Variants in SMAD5 observed in about 807,000 individuals in gnomAD.
SMAD5 encodes SMAD family member 5, also known as MAD, mothers against decapentaplegic homolog 5.
A neutral mutation model predicts 43.1 loss-of-function variants in SMAD5; 9 were observed. That is an observed-to-expected ratio of 0.21 (90% CI 0.13 to 0.36). The LOEUF (loss-of-function observed/expected upper bound fraction) is 0.36, where lower values mean the gene tolerates loss of function less well. Among genes scored for constraint, SMAD5 ranks in the 10% least tolerant of loss-of-function variants. The pLI is 1.00. For missense variants in SMAD5, 348 were observed against 574.0 expected (o/e 0.61, Z 4.02); for synonymous variants, 190 against 192.4 (o/e 0.99, Z 0.10).
At chr5:136,135,331 G>A (rs1215396537) in intron 1 of SMAD5, among the ~76,000 whole-genome samples, 2 of 152,230 alleles carry the variant, frequency 1.3e-5, no homozygotes, top group African/African-American at 4.8e-5. Context: ...GGCTGAACCT[G>A]AAGGCACATT....
At chr5:136,158,101 A>C (rs753759004) in intron 3 of SMAD5, among the ~76,000 whole-genome samples, 4 of 152,222 alleles carry the variant, frequency 2.6e-5, no homozygotes, top group Non-Finnish European at 5.9e-5. Context: ...CTAATAGAAT[A>C]ATATATTCTG....
rs1753131772 is a variant in SMAD5 at position 136,142,903 on chromosome 5, A to G, written c.-244-4929A>G. On this transcript the variant is annotated intron_variant, in intron 1 of 7. Transcript: ENST00000545279. ...CATTACTCTCTAAGATCTTACAGAG[A>G]TTATGGTTAGTGTCTTTTAAGCCTG... Among the ~76,000 whole-genome samples the G allele has an allele frequency of 2.0e-5, 3 of 152,182 alleles. No homozygotes were observed. The South Asian group carries it at 6.2e-4, about 32-fold the overall frequency.
chr5:136,153,190 TC>T (rs1197036156), intron 2 of SMAD5, among the ~76,000 whole-genome samples: 1 of 152,294 alleles, frequency 6.6e-6, no homozygotes, highest in Middle Eastern at 3.4e-3. Flanking sequence ...TTTTAAGACT[TC>T]TATTCAGATC....
At chr5:136,170,810 GTATT>G (rs1754193087) in intron 5 of SMAD5, among the ~76,000 whole-genome samples, 2 of 152,074 alleles carry the variant, frequency 1.3e-5, no homozygotes, top group South Asian at 2.1e-4. Flanking sequence ...TTGTGCCTAA[GTATT>G]TAATTTTGGG....
At chr5:136,168,008 T>C (rs1754079840) in intron 5 of SMAD5, among the ~76,000 whole-genome samples, 1 of 152,018 alleles carries the variant, frequency 6.6e-6, no homozygotes. Flanking sequence ...ACCCGGCTAA[T>C]TTTTGTATTT....
At chr5:136,162,675 A>G (rs560667889) in intron 4 of SMAD5, among the ~76,000 whole-genome samples, 31 of 152,354 alleles carry the variant, frequency 2.0e-4, no homozygotes, top group Admixed American at 1.5e-3. Flanking sequence ...ATTTTCAACT[A>G]TGAGTGTTGA....
At chr5:136,138,734 T>A (rs887593668) in intron 1 of SMAD5, among the ~76,000 whole-genome samples, 3 of 152,174 alleles carry the variant, frequency 2.0e-5, no homozygotes. Flanking sequence ...AGTGTCTTTC[T>A]TCCATTGCAG....
intron 2 of SMAD5, among the ~76,000 whole-genome samples, chr5:136,151,200 C>G (rs956963386): frequency 6.6e-6 from 1 of 151,952 alleles, no homozygotes; most frequent in African/African-American, 2.4e-5. Context: ...ACGAGACTAC[C>G]TGCATACTAA....
At chr5:136,157,848 A>G (rs975469629) in intron 3 of SMAD5, among the ~76,000 whole-genome samples, 2 of 152,148 alleles carry the variant, frequency 1.3e-5, no homozygotes, top group Admixed American at 6.6e-5. Flanking sequence ...CTGATCTAAT[A>G]GACAGTATTG....
intron 2 of SMAD5, among the ~76,000 whole-genome samples, chr5:136,150,281 C>A (rs963677267): frequency 6.6e-6 from 1 of 151,780 alleles, no homozygotes; most frequent in African/African-American, 2.4e-5. Context: ...GACAAAGCTG[C>A]CTTCTGAATG....
In SMAD5 at chr5:136,160,920, G is replaced by A. The variant is rs1266985914; in HGVS notation, c.468G>A (p.Gln156=). ...EFNPQHSLLV[Q]FRNLSHNEPH... ...ATCCACAACACAGCCTTCTGGTTCA[G>A]TTTAGGAACCTGAGCCACAATGAAC... Residue 156 remains glutamine, a synonymous_variant, in exon 4 of 8, where the codon CAG becomes CAA. Transcript: ENST00000545279. 6.2e-7 allele frequency: 1 copy of A among 1,613,860 alleles called. No homozygotes were observed.
Position 136,167,993 on chromosome 5 carries a change from A to G in SMAD5, c.776-4441A>G, listed in dbSNP as rs1754079446. ...GCTGGGATTATCATACGCATGTGCCACCACACCCGGCTAATTTTTGTATTT... is the reference window on the plus strand; with the variant it reads ...GCTGGGATTATCATACGCATGTGCCGCCACACCCGGCTAATTTTTGTATTT... On this transcript the variant is annotated intron_variant, in intron 5 of 7. Transcript: ENST00000545279. Among the ~76,000 whole-genome samples, 3 of 151,992 alleles carry G rather than the reference A, an allele frequency of 2.0e-5. No homozygotes were observed. The South Asian group carries it at 6.2e-4, about 32-fold the overall frequency.
intron 6 of SMAD5, 112 bp downstream of exon 6, chr5:136,172,767 C>T (rs1300295075): frequency 2.7e-6 from 2 of 737,206 alleles, no homozygotes; most frequent in Non-Finnish European, 2.4e-6. Context: ...GACACGTGGC[C>T]TCTGCCTTAA....
Position 136,163,375 on chromosome 5 carries a change from C to T in SMAD5, c.759C>T (p.Pro253=). ...TSNNMIPQIM[P]SISSRDVQPV... ...ATAATATGATTCCTCAGATTATGCC[C>T]AGTATATCCAGCAGGGGTAAGAGAA... Residue 253 remains proline, a synonymous_variant, in exon 5 of 8, where the codon CCC becomes CCT. Coordinates refer to ENST00000545279, the MANE Select transcript of SMAD5 (RefSeq NM_005903.7). 6.2e-7 allele frequency: 1 copy of T among 1,608,716 alleles called. No individual in the cohort carries two copies. The highest frequency in any genetic ancestry group is 1.3e-5 in the African/African-American group (1 of 74,812).
rs1753294100 is a variant in SMAD5 at position 136,147,354 on chromosome 5, G to GAGC, written c.-244-476_-244-474dup. ...GTGGTATAAAAATAAGTTTGAAAATGAGCAAATTAAGCTGGATTATTCTTG... is the reference window on the plus strand; with the variant it reads ...GTGGTATAAAAATAAGTTTGAAAATGAGCAGCAAATTAAGCTGGATTATTCTTG... On this transcript the variant is annotated intron_variant, in intron 1 of 7. Transcript: ENST00000545279. The GAGC allele has an allele frequency of 2.0e-5, 3 of 151,832 alleles. No individual in the cohort carries two copies. The South Asian group carries it at 6.2e-4, about 31-fold the overall frequency. 9.4% of individuals were successfully genotyped at this position (151,832 alleles called of 1,614,324 possible).
intron 3 of SMAD5, among the ~76,000 whole-genome samples, chr5:136,159,085 A>T (rs1156572239): frequency 1.3e-5 from 2 of 152,224 alleles, no homozygotes; most frequent in Admixed American, 6.5e-5. Flanking sequence ...TAGTAAAAAC[A>T]TTGTTCAAGA....
At chr5:136,166,718 T>G (rs978243625) in intron 5 of SMAD5, among the ~76,000 whole-genome samples, 6 of 152,216 alleles carry the variant, frequency 3.9e-5, no homozygotes, top group African/African-American at 1.4e-4. Flanking sequence ...ATAAATAGTA[T>G]TATTTTTCTC....
chr5:136,156,650 T>C (rs1413662482), intron 3 of SMAD5, among the ~76,000 whole-genome samples: 9 of 152,146 alleles, frequency 5.9e-5, no homozygotes, highest in Non-Finnish European at 1.3e-4. Flanking sequence ...AAGTATAGGC[T>C]GAAAAACTCC....
chr5:136,169,438 A>G (rs1228453500), intron 5 of SMAD5, among the ~76,000 whole-genome samples: 1 of 152,150 alleles, frequency 6.6e-6, no homozygotes, highest in Non-Finnish European at 1.5e-5. Flanking sequence ...CCTTCAATCC[A>G]ATTAGTTTGA....
Sources: allele counts gnomAD v4.1 joint callset (sites outside exome capture counted in the v4.1 genomes callset), GRCh38; gene constraint gnomAD v4.1.1; transcripts MANE v1.5; gene names NCBI Gene and HGNC (gene_info 2026-07-23, HGNC 2026-07-21).